The following SHISA6 variants were observed in gnomAD, a reference collection of about 807,000 sequenced individuals.
SHISA6 encodes the protein protein shisa-6.
SHISA6 carries 22 observed loss-of-function variants against 47.9 expected under a neutral mutation model. The ratio of observed to expected loss-of-function variants is 0.46; its 90% CI spans 0.33 to 0.66. The LOEUF (loss-of-function observed/expected upper bound fraction) is 0.66. Among genes scored for constraint, SHISA6 ranks in the 30% least tolerant of loss-of-function variants. The pLI, the probability that SHISA6 is intolerant of heterozygous loss-of-function variation, is 0.02. For missense variants in SHISA6, 680 were observed against 764.6 expected, an observed-to-expected ratio of 0.89 and a Z score of 1.30; for synonymous variants, 388 against 337.8, an observed-to-expected ratio of 1.15 and a Z score of -1.63.
At chr17:11,269,039 TGTC>T (rs1345897679) in intron 2 of SHISA6, among the ~76,000 whole-genome samples, 1,978 of 146,424 alleles carry the variant, frequency 0.014, 26 homozygotes, top group African/African-American at 0.034. Context: ...TTTTTTTGTT[TGTC>T]TGTTTTGTTT....
At chr17:11,371,888 T>G (rs1912641102) in intron 2 of SHISA6, among the ~76,000 whole-genome samples, 1 of 150,736 alleles carries the variant, frequency 6.6e-6, no homozygotes, top group South Asian at 2.1e-4. Flanking sequence ...GCCCCACCCC[T>G]CTCCTCAAAG....
At chr17:11,440,239 G>A (rs1897206456) in intron 3 of SHISA6, among the ~76,000 whole-genome samples, 1 of 152,156 alleles carries the variant, frequency 6.6e-6, no homozygotes, top group Admixed American at 6.5e-5. Flanking sequence ...AAGATTGGTA[G>A]GAATCAGAAG....
chr17:11,489,320 A>G (rs1346111714), intron 3 of SHISA6, among the ~76,000 whole-genome samples: 1 of 151,754 alleles, frequency 6.6e-6, no homozygotes, highest in Non-Finnish European at 1.5e-5. Context: ...CTTCCCTTTT[A>G]TCTATTTTTT....
chr17:11,430,983 C>T lies in SHISA6; in HGVS notation c.895+51474C>T, dbSNP rs370255463. ...CCTTTGTGGCTGGAATGGGCATTTG[C>T]TAAGTTAGTCTCCCCTCACTGGGCT... On this transcript the variant is annotated intron_variant, in intron 3 of 5. Transcript: ENST00000441885. Among the ~76,000 whole-genome samples, 7 of 152,328 alleles carry T rather than the reference C, an allele frequency of 4.6e-5. No individual in the cohort carries two copies. In the South Asian group the frequency reaches 1.4e-3, roughly 32 times the overall value.
At chr17:11,523,862 C>T (rs895342655) in intron 3 of SHISA6, among the ~76,000 whole-genome samples, 14 of 151,822 alleles carry the variant, frequency 9.2e-5, no homozygotes, top group Admixed American at 6.6e-4. Flanking sequence ...AAAAATTAGC[C>T]GGGCATGGTG....
intron 3 of SHISA6, among the ~76,000 whole-genome samples, chr17:11,533,587 A>ATTTTTTTT (rs3038696): frequency 2.9e-4 from 28 of 95,022 alleles, no homozygotes; most frequent in Admixed American, 4.6e-4. Flanking sequence ...CCCTTTCATT[A>ATTTTTTTT]TTTTTTTTTT....
At chr17:11,411,961 G>C (rs1914134347) in intron 3 of SHISA6, among the ~76,000 whole-genome samples, 1 of 152,124 alleles carries the variant, frequency 6.6e-6, no homozygotes. Flanking sequence ...TTTAGAAAAG[G>C]CAAGGTGGTT....
intron 2 of SHISA6, among the ~76,000 whole-genome samples, chr17:11,307,970 AG>A (rs542870643): frequency 2.4e-3 from 373 of 152,284 alleles, no homozygotes; most frequent in African/African-American, 8.1e-3. Flanking sequence ...ACTAGAAAAA[AG>A]GCAGTTTCTT....
At chr17:11,498,212 A>G (rs1266627871) in intron 3 of SHISA6, among the ~76,000 whole-genome samples, 1 of 152,180 alleles carries the variant, frequency 6.6e-6, no homozygotes, top group Admixed American at 6.5e-5. Context: ...AGTTCAAGGG[A>G]AAGTCCTTTG....
At chr17:11,365,895 C>A (rs951319374) in intron 2 of SHISA6, among the ~76,000 whole-genome samples, 14 of 152,100 alleles carry the variant, frequency 9.2e-5, no homozygotes, top group African/African-American at 3.4e-4. Flanking sequence ...TAGAGAAAGT[C>A]TCTCTCAGGA....
At chr17:11,308,448 C>T (rs1162233989) in intron 2 of SHISA6, among the ~76,000 whole-genome samples, 1 of 152,162 alleles carries the variant, frequency 6.6e-6, no homozygotes, top group Non-Finnish European at 1.5e-5. Flanking sequence ...TTTCTCCCTT[C>T]TGCATCCAAG....
chr17:11,431,182 G>A (rs1164411921), intron 3 of SHISA6, among the ~76,000 whole-genome samples: 2 of 152,144 alleles, frequency 1.3e-5, no homozygotes, highest in Admixed American at 1.3e-4. Flanking sequence ...TTGTTCTTCT[G>A]GTTGTTCATG....
intron 2 of SHISA6, among the ~76,000 whole-genome samples, chr17:11,339,365 A>C (rs2142211531): frequency 6.6e-6 from 1 of 152,310 alleles, no homozygotes; most frequent in East Asian, 1.9e-4. Context: ...GATCTGAAAT[A>C]GTAATCTCCA....
chr17:11,457,204 T>A (rs1915564787), intron 3 of SHISA6, among the ~76,000 whole-genome samples: 1 of 152,184 alleles, frequency 6.6e-6, no homozygotes, highest in Non-Finnish European at 1.5e-5. Flanking sequence ...CAGCCCTCCC[T>A]GGTACCCATT....
chr17:11,470,150 G>A (rs752170338), intron 3 of SHISA6, among the ~76,000 whole-genome samples: 2 of 152,150 alleles, frequency 1.3e-5, no homozygotes, highest in Non-Finnish European at 2.9e-5. Flanking sequence ...CTAGAACCGT[G>A]GGGGAATAAA....
At chr17:11,393,459 C>G (rs1323295384) in intron 3 of SHISA6, among the ~76,000 whole-genome samples, 1 of 152,176 alleles carries the variant, frequency 6.6e-6, no homozygotes, top group Non-Finnish European at 1.5e-5. Flanking sequence ...ACATCCTGTC[C>G]TCTACTGAGC....
rs180992934 is a variant in SHISA6 at position 11,549,220 on chromosome 17, G to A, written c.896-2676G>A. Among the ~76,000 whole-genome samples, 399 of 152,212 alleles carry A rather than the reference G, an allele frequency of 2.6e-3. 3 individuals carry two copies. Among genetic ancestry groups the A allele is most frequent in the African/African-American group, 9.1e-3 (377 of 41,522 alleles). ...AGCACTCATATAATCATCCACAGGC[G>A]GAAGGTAATAAAAGGAAATACAACA... On this transcript the variant is annotated intron_variant, in intron 3 of 5. Coordinates refer to ENST00000441885, the MANE Select transcript of SHISA6 (RefSeq NM_207386.4).
intron 4 of SHISA6, among the ~76,000 whole-genome samples, chr17:11,553,974 A>G (rs2071953126): frequency 6.6e-6 from 1 of 152,196 alleles, no homozygotes; most frequent in Non-Finnish European, 1.5e-5. Flanking sequence ...GTATCCCATG[A>G]AGGCAGAAGG....
At chr17:11,553,716 A>G (rs1440558384) in intron 4 of SHISA6, among the ~76,000 whole-genome samples, 6 of 152,208 alleles carry the variant, frequency 3.9e-5, no homozygotes, top group African/African-American at 1.4e-4. Context: ...GGATTCAAAA[A>G]AAATTGGAAA....
Sources: gnomAD v4.1 joint callset for allele counts (sites outside exome capture counted in the v4.1 genomes callset) on GRCh38, gnomAD v4.1.1 for gene constraint, MANE v1.5 for transcripts, NCBI Gene and HGNC (gene_info 2026-07-23, HGNC 2026-07-21) for gene names.